ANO5: variants seen among roughly 807,000 people sequenced by gnomAD.
The protein encoded by ANO5 is anoctamin 5.
In ANO5, 109 loss-of-function variants were observed where a neutral mutation model predicts 121.0. That is an observed-to-expected ratio of 0.90 (90% CI 0.77 to 1.06). The LOEUF (loss-of-function observed/expected upper bound fraction) is 1.06, where lower values mean the gene tolerates loss of function less well. Among genes scored for constraint, ANO5 ranks in the 50% least tolerant of loss-of-function variants. ANO5 has a pLI of 0.00. For synonymous variants in ANO5, 406 were observed against 359.9 expected, an observed-to-expected ratio of 1.13 and a Z score of -1.45; for missense variants, 1,064 against 1,078.5, an observed-to-expected ratio of 0.99 and a Z score of 0.19.
At chr11:22,195,137 G>T (rs946735731) in intron 1 of ANO5, among the ~76,000 whole-genome samples, 3 of 152,062 alleles carry the variant, frequency 2.0e-5, no homozygotes, top group African/African-American at 7.2e-5. Context: ...GTTGTAAAGT[G>T]GTATCTCAGT....
intron 2 of ANO5, among the ~76,000 whole-genome samples, chr11:22,210,692 G>C (rs1276936737): frequency 6.6e-6 from 1 of 151,922 alleles, no homozygotes; most frequent in African/African-American, 2.4e-5. Flanking sequence ...CATCCCTATT[G>C]TGTTAATTAT....
At position 22,274,744 on chromosome 11, in the gene ANO5, G is replaced by C. The variant is rs1233836740; in HGVS notation, c.2411G>C (p.Cys804Ser). The change falls in exon 20 of 22, where the codon TGC becomes TCC. Residue 804 changes from cysteine (C) to serine (S), a missense_variant. Physicochemically the swap from Cys to Ser is moderately radical, Grantham distance 112. Coordinates refer to ENST00000324559, the MANE Select transcript of ANO5 (RefSeq NM_213599.3). ...TCGGAAAAACGAGACTTCATCACTT[G>C]CAGGTGATTTGTTTGTTTGTTTGTT... is the stretch of plus-strand genomic sequence containing the variant. ...APSEKRDFIT[C>S]RYRDYRYPPD... The C allele has an allele frequency of 3.7e-6, 6 of 1,613,066 alleles. No homozygotes were observed. Among genetic ancestry groups the C allele is most frequent in the Admixed American group, 1.7e-5 (1 of 59,978 alleles).
intron 9 of ANO5, among the ~76,000 whole-genome samples, chr11:22,242,701 T>C (rs113857094): frequency 2.0e-5 from 3 of 152,236 alleles, no homozygotes; most frequent in African/African-American, 7.2e-5. Context: ...TTGAACATTA[T>C]TGCCATATAG....
At chr11:22,267,525 A>ATCTATATATATATATATATATATATATAT (rs1239852095) in intron 17 of ANO5, among the ~76,000 whole-genome samples, 3 of 139,984 alleles carry the variant, frequency 2.1e-5, no homozygotes, top group Admixed American at 6.8e-5. Context: ...TATATATATA[A>ATCTATATATATATATATATATATATATAT]AATCTATCTA....
intron 13 of ANO5, among the ~76,000 whole-genome samples, chr11:22,256,390 G>A (rs1224862597): frequency 6.6e-6 from 1 of 151,990 alleles, no homozygotes; most frequent in African/African-American, 2.4e-5. Flanking sequence ...CACCATTTAG[G>A]CATTCACTGA....
At chr11:22,267,645 A>C (rs933705947) in intron 17 of ANO5, among the ~76,000 whole-genome samples, 5 of 142,458 alleles carry the variant, frequency 3.5e-5, no homozygotes, top group Admixed American at 7.0e-5. Flanking sequence ...GTTCAGAGGT[A>C]CATGTGCAGA....
intron 9 of ANO5, among the ~76,000 whole-genome samples, chr11:22,247,471 G>A (rs1332406781): frequency 6.6e-6 from 1 of 152,096 alleles, no homozygotes; most frequent in African/African-American, 2.4e-5. Flanking sequence ...AAATTTTGGA[G>A]GTCTTTTCAA....
rs149325665 is a variant in ANO5, at chr11:22,206,672, CAT to C, written c.87+2823_87+2824del. On this transcript the variant is annotated intron_variant, in intron 2 of 21. Coordinates refer to ENST00000324559, the MANE Select transcript of ANO5 (RefSeq NM_213599.3). ...TCACCAAAGGCTAAAGAATAAAAAT[CAT>C]GTGATTTTTATCAGAAAAAATATTG... Among the ~76,000 whole-genome samples, 2,037 of 152,044 alleles carry C rather than the reference CAT, an allele frequency of 0.013. 147 individuals are homozygous for C. In the East Asian group the frequency reaches 0.21, roughly 16 times the overall value.
intron 13 of ANO5, among the ~76,000 whole-genome samples, chr11:22,257,314 T>C (rs1257051399): frequency 6.6e-6 from 1 of 152,204 alleles, no homozygotes. Flanking sequence ...TGTAATTCAA[T>C]TCAATTAGAA....
chr11:22,199,361 T>G (rs1851898276), intron 1 of ANO5, among the ~76,000 whole-genome samples: 1 of 152,142 alleles, frequency 6.6e-6, no homozygotes, highest in Non-Finnish European at 1.5e-5. Flanking sequence ...GCTGAGAGCT[T>G]TGAATTTATG....
chr11:22,255,338 A>ATATC, intron 12 of ANO5, 33 bp from the exon 13 acceptor site: 1 of 1,504,302 alleles, frequency 6.6e-7, no homozygotes, highest in East Asian at 2.5e-5. Context: ...AACTTTTTTA[A>ATATC]TATCTTTTTT....
At chr11:22,214,858 T>C (rs1360914230) in intron 3 of ANO5, among the ~76,000 whole-genome samples, 2 of 151,968 alleles carry the variant, frequency 1.3e-5, no homozygotes, top group Non-Finnish European at 2.9e-5. Context: ...AGTCTTGCGG[T>C]TCCTACTGTG....
intron 5 of ANO5, 81 bp from the exon 6 acceptor site, chr11:22,225,903 C>T: frequency 1.9e-6 from 2 of 1,060,946 alleles, no homozygotes; most frequent in South Asian, 2.7e-5. Flanking sequence ...GAGTCACAGC[C>T]ATTGTATATT....
chr11:22,257,750 T>C lies in ANO5; in HGVS notation c.1403T>C (p.Leu468Ser). ...TTTCTTTCAGGAGCCACAGTGACAT[T>C]ATGGGTGAGCATTTCTTTAAAAATT... is the stretch of plus-strand genomic sequence containing the variant. The part of the protein sequence containing the change: ...WYFLSGATVT[L>S]WMSLVVTSMV... Residue 468 changes from leucine (L) to serine (S), a missense_variant, in exon 14 of 22, where the codon TTA becomes TCA. Physicochemically the swap from Leu to Ser is moderately radical, Grantham distance 145. Transcript: ENST00000324559. 1 of 1,609,204 alleles carries C rather than the reference T, an allele frequency of 6.2e-7. No individual in the cohort carries two copies. Among genetic ancestry groups the C allele is most frequent in the South Asian group, 1.1e-5 (1 of 90,980 alleles).
rs1195012434 is a variant in ANO5, at chr11:22,274,702, C to T, written c.2369C>T (p.Pro790Leu). The change falls in exon 20 of 22, where the codon CCA becomes CTA. Residue 790 changes from proline (P) to leucine (L), a missense_variant. Physicochemically the swap from Pro to Leu is moderately conservative, Grantham distance 98. Coordinates refer to ENST00000324559, the MANE Select transcript of ANO5 (RefSeq NM_213599.3). The stretch of plus-strand genomic sequence containing the variant: ...TCAGTATTCCTGATAGCTGATTTTC[C>T]AAACCACACTGCACCTTCGGAAAAA... The part of the protein sequence containing the change: ...SLSVFLIADF[P>L]NHTAPSEKRD... 7 of 1,613,576 alleles carry T rather than the reference C, an allele frequency of 4.3e-6. No homozygotes were observed. The highest frequency in any genetic ancestry group is 2.2e-5 in the East Asian group (1 of 44,852).
intron 7 of ANO5, among the ~76,000 whole-genome samples, chr11:22,228,646 C>T (rs183260413): frequency 2.0e-5 from 3 of 151,962 alleles, no homozygotes; most frequent in East Asian, 3.9e-4. Flanking sequence ...CTTTCCTCCC[C>T]CTACCTCTTC....
chr11:22,205,742 G>A lies in ANO5; in HGVS notation c.87+1892G>A, dbSNP rs74233076. 0.013 allele frequency among the ~76,000 whole-genome samples: 2,049 copies of A among 152,022 alleles called. 147 individuals are homozygous for A. In the East Asian group the frequency reaches 0.21, roughly 16 times the overall value. On this transcript the variant is annotated intron_variant, in intron 2 of 21. Transcript: ENST00000324559. ...GCCAGACTGGCAGAAAGGGAGTTGC[G>A]CTGGGACATATGTAACCAATATCGG...
Position 22,279,879 on chromosome 11 carries a change from C to CTT in ANO5, c.*124_*125dup. 2.6e-6 allele frequency: 1 copy of CTT among 387,202 alleles called. No individual in the cohort carries two copies. Among genetic ancestry groups the CTT allele is most frequent in the African/African-American group, 2.7e-5 (1 of 36,748 alleles). The allele number at this position is 387,202 out of a possible 1,614,324, so 24.0% of individuals were successfully genotyped here. On this transcript the variant is annotated 3_prime_UTR_variant, in exon 22 of 22. Coordinates refer to ENST00000324559, the MANE Select transcript of ANO5 (RefSeq NM_213599.3). ...TTTACCCTTTCTTTTTTTTTTTTTT[C>CTT]TTTTTTTTTTTAAACTCAAAGTTTT...
At chr11:22,276,913 G>A (rs1251386387) in intron 21 of ANO5, among the ~76,000 whole-genome samples, 1 of 149,238 alleles carries the variant, frequency 6.7e-6, no homozygotes, top group East Asian at 1.9e-4. Context: ...ATTCCAACCA[G>A]TTTCTGTTTT....
Sources: allele counts gnomAD v4.1 joint callset (sites outside exome capture counted in the v4.1 genomes callset), GRCh38; gene constraint gnomAD v4.1.1; transcripts MANE v1.5; gene names NCBI Gene and HGNC (gene_info 2026-07-23, HGNC 2026-07-21).